Variants in ABCB1 observed in about 807,000 individuals in gnomAD.
The protein encoded by ABCB1 is ATP-dependent translocase ABCB1.
In ABCB1, 69 loss-of-function variants were observed where a neutral mutation model predicts 142.0. That is an observed-to-expected ratio of 0.49 (90% CI 0.40 to 0.59). The LOEUF is 0.59. Ranked by LOEUF, ABCB1 falls within the 20% of genes least tolerant of loss-of-function variation. ABCB1 has a pLI of 0.00. For missense variants in ABCB1, 1,326 were observed against 1,554.7 expected (o/e 0.85, Z 2.47); for synonymous variants, 532 against 539.2 (o/e 0.99, Z 0.18).
At chr7:87,617,730 T>C (rs996756717) in intron 1 of ABCB1, among the ~76,000 whole-genome samples, 1 of 152,222 alleles carries the variant, frequency 6.6e-6, no homozygotes. Flanking sequence ...ATTCTCCACA[T>C]GGCAGCCAGA....
chr7:87,516,731 C>CTTTTTTTTTTTTTTTTTTTGTT (rs1815267834), intron 23 of ABCB1, 66 bp from the exon 24 acceptor site: 1 of 642,604 alleles, frequency 1.6e-6, no homozygotes, highest in African/African-American at 3.6e-5. Flanking sequence ...GCTGACACTC[C>CTTTTTTTTTTTTTTTTTTTGTT]TTTTTTTTTT....
chr7:87,698,787 A>G (rs1828741307), intron 1 of ABCB1, among the ~76,000 whole-genome samples: 1 of 152,208 alleles, frequency 6.6e-6, no homozygotes, highest in Admixed American at 6.5e-5. Context: ...GTAAAGAAAT[A>G]CTTTTGAGGA....
At chr7:87,581,295 C>T (rs903246748) in intron 4 of ABCB1, among the ~76,000 whole-genome samples, 7 of 152,012 alleles carry the variant, frequency 4.6e-5, no homozygotes, top group African/African-American at 7.3e-5. Flanking sequence ...AGTGTCATTT[C>T]TTCAACTGCC....
chr7:87,704,809 G>T (rs772202103), intron 1 of ABCB1, among the ~76,000 whole-genome samples: 9 of 152,174 alleles, frequency 5.9e-5, no homozygotes, highest in South Asian at 2.1e-4. Flanking sequence ...TTTATTCATT[G>T]CAATGAAAAG....
At chr7:87,514,059 A>G (rs570759551) in intron 25 of ABCB1, among the ~76,000 whole-genome samples, 2 of 152,344 alleles carry the variant, frequency 1.3e-5, no homozygotes, top group African/African-American at 2.4e-5. Flanking sequence ...AGTAAACTGA[A>G]TAAAGGCATA....
chr7:87,667,990 T>G (rs1825436845), intron 1 of ABCB1, among the ~76,000 whole-genome samples: 1 of 152,088 alleles, frequency 6.6e-6, no homozygotes, highest in African/African-American at 2.4e-5. Flanking sequence ...TAAGATGATG[T>G]TGGCCTTAGA....
chr7:87,561,058 A>AT (rs2129776669), intron 8 of ABCB1, among the ~76,000 whole-genome samples: 1 of 152,360 alleles, frequency 6.6e-6, no homozygotes, highest in African/African-American at 2.4e-5. Flanking sequence ...CCCATCTAGA[A>AT]AACTCTTTGA....
intron 8 of ABCB1, among the ~76,000 whole-genome samples, chr7:87,556,791 C>A (rs566734908): frequency 6.6e-6 from 1 of 152,256 alleles, no homozygotes; most frequent in Non-Finnish European, 1.5e-5. Flanking sequence ...CTCAACCACT[C>A]CCCTGTGCCC....
At chr7:87,585,471 C>T in intron 4 of ABCB1, 41 bp downstream of exon 4, 1 of 1,604,144 alleles carries the variant, frequency 6.2e-7, no homozygotes, top group African/African-American at 1.3e-5. Context: ...CTTGTTTTTG[C>T]TGCAAGTTTC....
Position 87,664,706 on chromosome 7 carries a change from A to T in ABCB1, c.-331+48455T>A, listed in dbSNP as rs138000479. On this transcript the variant is annotated intron_variant, in intron 1 of 28. Coordinates refer to the ABCB1 transcript ENST00000265724. ...AAATCAATAGAAATGATCCAATCTG[A>T]AGAACAGAACAGGAAGAAATTTAAA... is the stretch of plus-strand genomic sequence containing the variant. Among the ~76,000 whole-genome samples, 17 of 152,290 alleles carry T rather than the reference A, an allele frequency of 1.1e-4. No individual in the cohort carries two copies. In the East Asian group the frequency reaches 3.3e-3, roughly 29 times the overall value.
intron 1 of ABCB1, among the ~76,000 whole-genome samples, chr7:87,697,783 A>C (rs1168890812): frequency 6.6e-6 from 1 of 152,172 alleles, no homozygotes; most frequent in Admixed American, 6.5e-5. Context: ...GTTATTTTCA[A>C]TTTACAGAAG....
chr7:87,655,952 C>T (rs1753829639), intron 1 of ABCB1, among the ~76,000 whole-genome samples: 1 of 152,060 alleles, frequency 6.6e-6, no homozygotes, highest in Non-Finnish European at 1.5e-5. Flanking sequence ...ACACAACATT[C>T]CTTCACTCTA....
At chr7:87,587,204 TTAAAG>T (rs1426470340) in intron 3 of ABCB1, among the ~76,000 whole-genome samples, 1 of 152,170 alleles carries the variant, frequency 6.6e-6, no homozygotes, top group East Asian at 1.9e-4. Flanking sequence ...AGAGATTATA[TTAAAG>T]TAGATAAAAT....
chr7:87,710,002 T>G (rs1829923624), intron 1 of ABCB1, among the ~76,000 whole-genome samples: 1 of 152,134 alleles, frequency 6.6e-6, no homozygotes, highest in South Asian at 2.1e-4. Context: ...GTTTAAATAT[T>G]TGGTAATAGC....
intron 18 of ABCB1, 59 bp from the exon 19 acceptor site, chr7:87,539,404 G>T (rs376107733): frequency 5.3e-6 from 8 of 1,508,970 alleles, no homozygotes; most frequent in Non-Finnish European, 7.4e-6. Flanking sequence ...AAAGGAGGGA[G>T]AATTGATGTC....
At chr7:87,619,789 C>T (rs777014016) in intron 1 of ABCB1, among the ~76,000 whole-genome samples, 2 of 151,274 alleles carry the variant, frequency 1.3e-5, no homozygotes, top group Non-Finnish European at 1.5e-5. Context: ...TATGAATAAA[C>T]TGACCTTGAG....
chr7:87,708,300 G>C (rs1344359124), intron 1 of ABCB1, among the ~76,000 whole-genome samples: 1 of 152,048 alleles, frequency 6.6e-6, no homozygotes, highest in Non-Finnish European at 1.5e-5. Context: ...GAGGAATGAA[G>C]AAGAGGCCAA....
chr7:87,606,635 A>G (rs1181846968), intron 1 of ABCB1, among the ~76,000 whole-genome samples: 2 of 152,144 alleles, frequency 1.3e-5, no homozygotes, highest in South Asian at 2.1e-4. Context: ...ATATGCAAGG[A>G]CAAAAGGCAG....
chr7:87,551,206 A>G (rs1817052024), intron 9 of ABCB1, among the ~76,000 whole-genome samples: 1 of 151,882 alleles, frequency 6.6e-6, no homozygotes, highest in African/African-American at 2.4e-5. Flanking sequence ...TATTTTTTCT[A>G]GAGACAGGGT....
Sources: allele counts gnomAD v4.1 joint callset (sites outside exome capture counted in the v4.1 genomes callset), GRCh38; gene constraint gnomAD v4.1.1; transcripts MANE v1.5; gene names NCBI Gene and HGNC (gene_info 2026-07-23, HGNC 2026-07-21).